CCDC171: variants seen among roughly 807,000 people sequenced by gnomAD.
The protein encoded by CCDC171 is coiled-coil domain-containing protein 171.
Under a neutral mutation model 168.2 loss-of-function variants are expected in CCDC171, and 177 were observed. The observed-to-expected ratio is 1.05, with a 90% confidence interval of 0.93 to 1.19. CCDC171 has a LOEUF of 1.19. Ranked by LOEUF, CCDC171 falls within the 50% of genes most tolerant of loss-of-function variation. The pLI is 0.00. For missense variants in CCDC171, 1,991 were observed against 1,539.0 expected (o/e 1.29, Z -4.91); for synonymous variants, 687 against 540.8 (o/e 1.27, Z -3.75).
At chr9:16,106,289 C>T in the CCDC171 span, among the ~76,000 whole-genome samples, 1 of 152,210 alleles carries the variant, frequency 6.6e-6, no homozygotes, top group Non-Finnish European at 1.5e-5. Flanking sequence ...AAACAAAAGG[C>T]AGCTGTCATG....
rs965631872 is a variant in CCDC171 at position 15,739,789 on chromosome 9, G to C, written c.2050-4484G>C. Among the ~76,000 whole-genome samples, 7 of 151,452 alleles carry C rather than the reference G, an allele frequency of 4.6e-5. No individual in the cohort carries two copies. The South Asian group carries it at 6.3e-4, about 14-fold the overall frequency. ...GTCTCACTCTGTCGCCCAAGCTGGAGTGCAGTGGCACGATCTTGGCTCACT... is the reference window on the plus strand; with the variant it reads ...GTCTCACTCTGTCGCCCAAGCTGGACTGCAGTGGCACGATCTTGGCTCACT... On this transcript the variant is annotated intron_variant, in intron 16 of 25. Coordinates refer to ENST00000380701, the MANE Select transcript of CCDC171 (RefSeq NM_173550.4).
chr9:15,944,437 A>T (rs1828064994), intron 25 of CCDC171, among the ~76,000 whole-genome samples: 1 of 152,040 alleles, frequency 6.6e-6, no homozygotes, highest in Non-Finnish European at 1.5e-5. Context: ...GAGGAGAAGG[A>T]TTAGCTAACA....
intron 8 of CCDC171, among the ~76,000 whole-genome samples, chr9:15,662,750 C>T (rs959552184): frequency 6.6e-5 from 10 of 151,806 alleles, no homozygotes; most frequent in Admixed American, 2.0e-4. Context: ...CTGAGGTGGG[C>T]AAATCATTGG....
intron 6 of CCDC171, 24 bp downstream of exon 6, chr9:15,594,196 TTAAA>T (rs1281351307): frequency 8.4e-7 from 1 of 1,186,398 alleles, no homozygotes; most frequent in Non-Finnish European, 1.2e-6. Flanking sequence ...AATCAGTTCC[TTAAA>T]TATATATTTT....
intron 7 of CCDC171, among the ~76,000 whole-genome samples, chr9:15,644,162 AG>A (rs1483610858): frequency 6.6e-6 from 1 of 152,250 alleles, no homozygotes; most frequent in Non-Finnish European, 1.5e-5. Context: ...TTTCCACAGC[AG>A]CCAAACCATT....
chr9:15,671,087 G>A lies in CCDC171; in HGVS notation c.1076+4764G>A, dbSNP rs557869534. On this transcript the variant is annotated intron_variant, in intron 9 of 25. Transcript: ENST00000380701. ...AGTGTGGGCGACCAAGTGAGACGCT[G>A]TCTAAAAACCAAAACAAAACAGAAA... Among the ~76,000 whole-genome samples, 9 of 152,272 alleles carry A rather than the reference G, an allele frequency of 5.9e-5. 1 individual carries two copies. The South Asian group carries it at 1.9e-3, about 32-fold the overall frequency.
At chr9:15,672,732 C>T (rs1426730534) in intron 9 of CCDC171, among the ~76,000 whole-genome samples, 2 of 152,138 alleles carry the variant, frequency 1.3e-5, no homozygotes, top group Admixed American at 6.5e-5. Context: ...GTACCAGTAC[C>T]ATGCTGTTTT....
intron 24 of CCDC171, among the ~76,000 whole-genome samples, chr9:15,892,850 G>C (rs1274560982): frequency 7.9e-5 from 12 of 152,000 alleles, no homozygotes; most frequent in Non-Finnish European, 8.8e-5. Flanking sequence ...TGTGAAAATG[G>C]CCTTACTGTC....
chr9:15,687,525 A>G (rs1192869772), intron 10 of CCDC171, among the ~76,000 whole-genome samples: 2 of 152,190 alleles, frequency 1.3e-5, no homozygotes, highest in African/African-American at 4.8e-5. Flanking sequence ...AAGAAAATAA[A>G]CAGTAAAGAC....
chr9:16,059,374 G>C (rs1317415798), intron 1 of CCDC171, among the ~76,000 whole-genome samples: 6 of 152,124 alleles, frequency 3.9e-5, no homozygotes, highest in Non-Finnish European at 8.8e-5. Flanking sequence ...GCATCCCCGG[G>C]TGAGAATATG....
At chr9:15,651,301 G>T (rs2047500898) in intron 7 of CCDC171, among the ~76,000 whole-genome samples, 1 of 151,958 alleles carries the variant, frequency 6.6e-6, no homozygotes, top group South Asian at 2.1e-4. Flanking sequence ...TAGAGACAGG[G>T]TTTTGCCATG....
chr9:16,100,296 C>G, the CCDC171 span, among the ~76,000 whole-genome samples: 1 of 152,174 alleles, frequency 6.6e-6, no homozygotes, highest in Non-Finnish European at 1.5e-5. Context: ...ATAAATCACT[C>G]TCCCCACTCA....
chr9:15,790,849 A>G (rs1389766757), intron 21 of CCDC171, among the ~76,000 whole-genome samples: 19 of 152,230 alleles, frequency 1.2e-4, no homozygotes, highest in Non-Finnish European at 5.9e-5. Context: ...TTTATTAAAC[A>G]GGGAATCCTT....
chr9:15,789,767 A>G (rs1312131582), intron 21 of CCDC171, among the ~76,000 whole-genome samples: 4 of 98,850 alleles, frequency 4.0e-5, no homozygotes, highest in East Asian at 3.6e-4. Flanking sequence ...CCACCCTACG[A>G]CAGTCCCCGG....
At chr9:15,920,680 A>G (rs1825197170) in intron 25 of CCDC171, among the ~76,000 whole-genome samples, 1 of 151,778 alleles carries the variant, frequency 6.6e-6, no homozygotes, top group South Asian at 2.1e-4. Context: ...TGTGTTTGGC[A>G]GTGCAGCTGA....
rs373688165 is a variant in CCDC171 at position 15,869,902 on chromosome 9, TA to T, written c.3469-4621del. Among the ~76,000 whole-genome samples the T allele has an allele frequency of 5.3e-3, 797 of 151,364 alleles. 5 individuals carry two copies. Among genetic ancestry groups the T allele is most frequent in the African/African-American group, 0.019 (777 of 41,324 alleles). ...GATTCTCTGGTGAGAGATAGTCATT[TA>T]AAAAAAAACTTTATAGGTGATAAAA... On this transcript the variant is annotated intron_variant, in intron 23 of 25. Coordinates refer to ENST00000380701, the MANE Select transcript of CCDC171 (RefSeq NM_173550.4).
At chr9:15,627,043 G>C (rs2045198462) in intron 7 of CCDC171, among the ~76,000 whole-genome samples, 1 of 152,120 alleles carries the variant, frequency 6.6e-6, no homozygotes, top group Non-Finnish European at 1.5e-5. Context: ...GTTTAGTCTT[G>C]GGAGGGTGTA....
chr9:15,782,097 C>T (rs532437015), intron 20 of CCDC171, among the ~76,000 whole-genome samples: 1 of 152,216 alleles, frequency 6.6e-6, no homozygotes, highest in East Asian at 1.9e-4. Flanking sequence ...ATGGTAGTTT[C>T]CTCTAAGAAA....
chr9:15,602,639 TTTTTTTTC>T (rs2042940893), intron 6 of CCDC171, among the ~76,000 whole-genome samples: 11 of 34,636 alleles, frequency 3.2e-4, no homozygotes, highest in African/African-American at 1.2e-3. Context: ...TTTCTTTTTT[TTTTTTTTC>T]TTTTTTTTTT....
Sources: gnomAD v4.1 joint callset for allele counts (sites outside exome capture counted in the v4.1 genomes callset) on GRCh38, gnomAD v4.1.1 for gene constraint, MANE v1.5 for transcripts, NCBI Gene and HGNC (gene_info 2026-07-23, HGNC 2026-07-21) for gene names.